PLEK: variants seen among roughly 807,000 people sequenced by gnomAD.
PLEK encodes pleckstrin.
A neutral mutation model predicts 43.9 loss-of-function variants in PLEK; 25 were observed. The observed-to-expected ratio is 0.57, with a 90% CI of 0.41 to 0.79. PLEK has a LOEUF of 0.79. PLEK is among the 30% of genes least tolerant of loss of function. The pLI is 0.00. For synonymous variants in PLEK, 152 were observed against 144.4 expected, an observed-to-expected ratio of 1.05 and a Z score of -0.38; for missense variants, 396 against 413.3, an observed-to-expected ratio of 0.96 and a Z score of 0.36.
intron 6 of PLEK, among the ~76,000 whole-genome samples, chr2:68,388,963 C>A (rs1397743128): frequency 1.3e-5 from 2 of 152,062 alleles, no homozygotes; most frequent in African/African-American, 2.4e-5. Context: ...CATGACAAGA[C>A]CAAAACCTGG....
At chr2:68,385,715 C>A (rs537611853) in intron 4 of PLEK, among the ~76,000 whole-genome samples, 1 of 152,312 alleles carries the variant, frequency 6.6e-6, no homozygotes, top group East Asian at 1.9e-4. Flanking sequence ...CAAACGCCTA[C>A]TCATATTTTA....
intron 5 of PLEK, chr2:68,388,101 T>C: frequency 3.1e-6 from 1 of 320,460 alleles, no homozygotes; most frequent in Non-Finnish European, 5.8e-6. Flanking sequence ...GTTAGGAAGA[T>C]GGAGCTAAAG....
At chr2:68,372,391 G>T (rs1340351735) in intron 1 of PLEK, among the ~76,000 whole-genome samples, 2 of 151,970 alleles carry the variant, frequency 1.3e-5, no homozygotes, top group African/African-American at 4.8e-5. Context: ...GGCCAGGCTG[G>T]TCTCAAACTC....
Position 68,388,925 on chromosome 2 carries a change from GAA to G in PLEK, c.762+435_762+436del, listed in dbSNP as rs1425413131. 2.6e-5 allele frequency among the ~76,000 whole-genome samples: 4 copies of G among 152,124 alleles called. No individual in the cohort carries two copies. The East Asian group carries it at 5.8e-4, about 22-fold the overall frequency. On this transcript the variant is annotated intron_variant, in intron 6 of 8. Coordinates refer to ENST00000234313, the MANE Select transcript of PLEK (RefSeq NM_002664.3). ...AACAGAGTACACCACTGAGAGCAAAGAAGAGTCATTCCAGTCTGTGCTTAGGG... is the reference window on the plus strand; with the variant it reads ...AACAGAGTACACCACTGAGAGCAAAGGAGTCATTCCAGTCTGTGCTTAGGG...
intron 4 of PLEK, among the ~76,000 whole-genome samples, chr2:68,386,103 A>G (rs1355382752): frequency 6.7e-6 from 1 of 149,250 alleles, no homozygotes; most frequent in African/African-American, 2.5e-5. Context: ...TTTTGTTTTT[A>G]TTTATTTATT....
chr2:68,388,324 A>G, intron 5 of PLEK, 63 bp from the exon 6 acceptor site: 1 of 915,934 alleles, frequency 1.1e-6, no homozygotes, highest in Admixed American at 1.7e-5. Context: ...GGGAATGGAG[A>G]TGGCACAAGT....
At chr2:68,393,681 G>A (rs907448421) in intron 7 of PLEK, among the ~76,000 whole-genome samples, 2 of 152,170 alleles carry the variant, frequency 1.3e-5, no homozygotes, top group Non-Finnish European at 2.9e-5. Flanking sequence ...CACTTTTAAA[G>A]CATGAAGACA....
Position 68,395,752 on chromosome 2 carries a change from C to T in PLEK, c.989C>T (p.Ala330Val). 1.9e-6 allele frequency: 3 copies of T among 1,613,566 alleles called. No homozygotes were observed. Among genetic ancestry groups the T allele is most frequent in the Non-Finnish European group, 2.5e-6 (3 of 1,179,526 alleles). ...GAAGTGCACTATTTCTTGCAAGCAG[C>T]CACCCCCAAGGAGCGCACAGAGTGG... Reference protein sequence around the residue: ...ADEVHYFLQAATPKERTEWIR... With the variant: ...ADEVHYFLQAVTPKERTEWIR... The change falls in exon 9 of 9, where the codon GCC becomes GTC. Residue 330 changes from alanine (A) to valine (V), a missense_variant. Physicochemically the swap from Ala to Val is moderately conservative, Grantham distance 64. Transcript: ENST00000234313.
Sources: allele counts gnomAD v4.1 joint callset (sites outside exome capture counted in the v4.1 genomes callset), GRCh38; gene constraint gnomAD v4.1.1; transcripts MANE v1.5; gene names NCBI Gene and HGNC (gene_info 2026-07-23, HGNC 2026-07-21).